The following PARP8 variants were observed in gnomAD, a reference collection of about 807,000 sequenced individuals.
PARP8 encodes the protein protein mono-ADP-ribosyltransferase PARP8.
A neutral mutation model predicts 124.1 loss-of-function variants in PARP8; 51 were observed. The ratio of observed to expected loss-of-function variants is 0.41; its 90% CI spans 0.33 to 0.52. PARP8 has a LOEUF of 0.52. Among genes scored for constraint, PARP8 ranks in the 20% least tolerant of loss-of-function variants. The pLI is 0.21. For missense variants in PARP8, 860 were observed against 1,018.9 expected (o/e 0.84, Z 2.12); for synonymous variants, 391 against 361.5 (o/e 1.08, Z -0.93).
chr5:50,747,454 T>A (rs1758715458), intron 2 of PARP8, among the ~76,000 whole-genome samples: 3 of 151,996 alleles, frequency 2.0e-5, no homozygotes, highest in African/African-American at 7.2e-5. Flanking sequence ...TAATTTTTTT[T>A]TCTTTTTGGT....
intron 2 of PARP8, among the ~76,000 whole-genome samples, chr5:50,727,783 T>C (rs907917257): frequency 6.6e-6 from 1 of 152,190 alleles, no homozygotes; most frequent in African/African-American, 2.4e-5. Context: ...CATCGCATCC[T>C]GCAGGAAACT....
intron 3 of PARP8, among the ~76,000 whole-genome samples, chr5:50,751,878 C>A (rs567489358): frequency 8.4e-4 from 127 of 152,056 alleles, no homozygotes; most frequent in African/African-American, 3.0e-3. Flanking sequence ...AATTTTAATC[C>A]ACATTTATTT....
In PARP8 at chr5:50,774,415, G is replaced by A. The variant is rs374629331; in HGVS notation, c.519-3654G>A. On this transcript the variant is annotated intron_variant, in intron 7 of 25. Transcript: ENST00000281631. Reference sequence around the variant, plus strand: ...CTTCACACTTGGAAGATTGCACAGCGGCCAGGCAGAGGCGCTCCTCACTTC... The same window carrying A: ...CTTCACACTTGGAAGATTGCACAGCAGCCAGGCAGAGGCGCTCCTCACTTC... Among the ~76,000 whole-genome samples the A allele has an allele frequency of 2.6e-4, 40 of 152,174 alleles. 1 individual carries two copies. Among genetic ancestry groups the A allele is most frequent in the Admixed American group, 7.9e-4 (12 of 15,286 alleles).
intron 2 of PARP8, among the ~76,000 whole-genome samples, chr5:50,670,281 G>A (rs949874932): frequency 6.6e-6 from 1 of 152,162 alleles, no homozygotes; most frequent in Non-Finnish European, 1.5e-5. Flanking sequence ...CTTATGGAGA[G>A]AGAGTATATG....
intron 2 of PARP8, among the ~76,000 whole-genome samples, chr5:50,679,432 G>A (rs529777260): frequency 3.9e-5 from 6 of 152,156 alleles, no homozygotes; most frequent in African/African-American, 1.4e-4. Context: ...GTTTAGCCTT[G>A]TATTTCCCTT....
intron 2 of PARP8, among the ~76,000 whole-genome samples, chr5:50,712,737 C>T (rs746695972): frequency 6.6e-6 from 1 of 151,472 alleles, no homozygotes; most frequent in Non-Finnish European, 1.5e-5. Flanking sequence ...GCCACGGGAG[C>T]ATGCAGGGTG....
At chr5:50,743,285 C>T (rs1030461182) in intron 2 of PARP8, among the ~76,000 whole-genome samples, 3 of 152,112 alleles carry the variant, frequency 2.0e-5, no homozygotes, top group East Asian at 1.9e-4. Flanking sequence ...GATTGTAGCT[C>T]ATAGTGGTGA....
intron 2 of PARP8, among the ~76,000 whole-genome samples, chr5:50,745,981 C>T (rs1330233480): frequency 6.6e-6 from 1 of 152,194 alleles, no homozygotes; most frequent in South Asian, 2.1e-4. Context: ...CAAAGCTGCT[C>T]TATTGGCTGA....
At chr5:50,668,340 G>A (rs1218494434) in intron 2 of PARP8, 4 of 581,174 alleles carry the variant, frequency 6.9e-6, no homozygotes, top group Non-Finnish European at 1.2e-5. Flanking sequence ...CACGCCACAG[G>A]CAATGAGCAG....
chr5:50,787,987 A>G (rs1409247308), intron 9 of PARP8, among the ~76,000 whole-genome samples: 10 of 149,522 alleles, frequency 6.7e-5, no homozygotes, highest in Non-Finnish European at 1.5e-4. Flanking sequence ...AAAAGTACGA[A>G]CCACGTGAAA....
intron 3 of PARP8, among the ~76,000 whole-genome samples, chr5:50,750,789 G>A (rs894049279): frequency 6.6e-5 from 10 of 151,978 alleles, no homozygotes; most frequent in Admixed American, 1.3e-4. Context: ...TTTAAGAATA[G>A]TATTCTATAA....
chr5:50,730,083 C>A (rs1456781016), intron 2 of PARP8, among the ~76,000 whole-genome samples: 2 of 152,120 alleles, frequency 1.3e-5, no homozygotes, highest in Non-Finnish European at 2.9e-5. Flanking sequence ...TTAGGAAGCA[C>A]CTTGTATAGT....
intron 2 of PARP8, among the ~76,000 whole-genome samples, chr5:50,707,388 A>AT (rs1360604867): frequency 9.2e-5 from 14 of 152,000 alleles, no homozygotes. Flanking sequence ...TTAAATTTAG[A>AT]TTTTTTATTT....
chr5:50,828,599 G>T (rs1350331449), intron 21 of PARP8, among the ~76,000 whole-genome samples: 2 of 152,070 alleles, frequency 1.3e-5, no homozygotes, highest in African/African-American at 4.8e-5. Context: ...AAAAAGAAAG[G>T]ATGGGTGCAG....
chr5:50,716,873 A>G (rs1755374472), intron 2 of PARP8, among the ~76,000 whole-genome samples: 1 of 152,104 alleles, frequency 6.6e-6, no homozygotes, highest in Non-Finnish European at 1.5e-5. Flanking sequence ...GTTTGAATAA[A>G]CATACTGTAA....
Position 50,667,024 on chromosome 5 carries a change from A to G in PARP8, c.-72A>G, listed in dbSNP as rs1453479245. On this transcript the variant is annotated 5_prime_UTR_variant, in exon 1 of 26. Transcript: ENST00000281631. Reference sequence around the variant, plus strand: ...TTTCATTTTTAACTGAATATTTACGAAAGCTGGAAGCGTGCGAGGGGGGTG... The same window carrying G: ...TTTCATTTTTAACTGAATATTTACGGAAGCTGGAAGCGTGCGAGGGGGGTG... 1.3e-5 allele frequency: 21 copies of G among 1,591,122 alleles called. No individual in the cohort carries two copies. Among genetic ancestry groups the G allele is most frequent in the Non-Finnish European group, 1.8e-5 (21 of 1,177,206 alleles).
intron 2 of PARP8, among the ~76,000 whole-genome samples, chr5:50,673,158 G>A (rs1462798139): frequency 1.3e-5 from 2 of 152,188 alleles, no homozygotes; most frequent in Non-Finnish European, 2.9e-5. Flanking sequence ...TGCCTCAGGA[G>A]CTGGGGTGGC....
chr5:50,741,815 T>C (rs1485353095), intron 2 of PARP8: 1 of 153,802 alleles, frequency 6.5e-6, no homozygotes, highest in Non-Finnish European at 1.3e-5. Context: ...TCTTTTCTTC[T>C]TTTTTTTTTT....
At chr5:50,732,908 G>A (rs1367437870) in intron 2 of PARP8, among the ~76,000 whole-genome samples, 3 of 151,420 alleles carry the variant, frequency 2.0e-5, no homozygotes, top group East Asian at 2.0e-4. Flanking sequence ...GTGAGCCACC[G>A]CGACCAGCCG....
Sources: gnomAD v4.1 joint callset for allele counts (sites outside exome capture counted in the v4.1 genomes callset) on GRCh38, gnomAD v4.1.1 for gene constraint, MANE v1.5 for transcripts, NCBI Gene and HGNC (gene_info 2026-07-23, HGNC 2026-07-21) for gene names.